The following GABRG3 variants were observed in gnomAD, a reference collection of about 807,000 sequenced individuals.
The protein encoded by GABRG3 is gamma-aminobutyric acid receptor subunit gamma-3.
In GABRG3, 25 loss-of-function variants were observed where a neutral mutation model predicts 48.8. The observed-to-expected ratio is 0.51, with a 90% CI of 0.37 to 0.72. GABRG3 has a LOEUF of 0.72. Among genes scored for constraint, GABRG3 ranks in the 30% least tolerant of loss-of-function variants. The pLI is 0.00. For missense variants in GABRG3, 394 were observed against 577.9 expected (o/e 0.68, Z 3.26); for synonymous variants, 227 against 217.6 (o/e 1.04, Z -0.38).
At chr15:27,410,548 G>A (rs1000877222) in intron 5 of GABRG3, among the ~76,000 whole-genome samples, 1 of 152,118 alleles carries the variant, frequency 6.6e-6, no homozygotes, top group African/African-American at 2.4e-5. Flanking sequence ...TTTAATTTGT[G>A]TAATAGAGTA....
At chr15:27,491,249 T>TCCCCTTCC (rs1430204210) in intron 6 of GABRG3, among the ~76,000 whole-genome samples, 1 of 152,156 alleles carries the variant, frequency 6.6e-6, no homozygotes, top group East Asian at 1.9e-4. Context: ...GCCTCGGGGC[T>TCCCCTTCC]CCCCTTCCCA....
chr15:27,486,835 A>G (rs1890232463), intron 6 of GABRG3, among the ~76,000 whole-genome samples: 1 of 152,176 alleles, frequency 6.6e-6, no homozygotes, highest in Non-Finnish European at 1.5e-5. Context: ...GAATTGAGAG[A>G]TTTACGCATT....
chr15:27,476,976 T>G (rs1419305198), intron 5 of GABRG3, among the ~76,000 whole-genome samples: 1 of 152,186 alleles, frequency 6.6e-6, no homozygotes, highest in Non-Finnish European at 1.5e-5. Flanking sequence ...AGATTTCTAA[T>G]GAGAAACCAT....
intron 3 of GABRG3, among the ~76,000 whole-genome samples, chr15:27,092,402 G>T (rs1897202575): frequency 6.6e-6 from 1 of 152,168 alleles, no homozygotes; most frequent in Non-Finnish European, 1.5e-5. Flanking sequence ...ATGTGTCCAT[G>T]TTCATCTCTC....
At chr15:27,274,161 A>G (rs1198335643) in intron 3 of GABRG3, among the ~76,000 whole-genome samples, 6 of 152,212 alleles carry the variant, frequency 3.9e-5, no homozygotes, top group African/African-American at 9.6e-5. Flanking sequence ...GTATAGGATC[A>G]AGGACAGAGT....
At chr15:27,477,559 G>A (rs1470503126) in intron 5 of GABRG3, among the ~76,000 whole-genome samples, 2 of 152,096 alleles carry the variant, frequency 1.3e-5, no homozygotes, top group Admixed American at 6.5e-5. Context: ...GAAACCCTAA[G>A]GTAAACTATG....
intron 3 of GABRG3, among the ~76,000 whole-genome samples, chr15:27,306,437 C>A (rs111067669): frequency 5.1e-5 from 7 of 137,330 alleles, no homozygotes; most frequent in Non-Finnish European, 9.2e-5. Flanking sequence ...ACATATAATA[C>A]GAACATATGT....
chr15:27,529,397 T>C (rs1056522471), intron 9 of GABRG3, among the ~76,000 whole-genome samples: 1 of 152,228 alleles, frequency 6.6e-6, no homozygotes, highest in African/African-American at 2.4e-5. Flanking sequence ...CTTTTATTCC[T>C]TTATACATAT....
At chr15:27,228,083 T>C (rs1889681473) in intron 3 of GABRG3, among the ~76,000 whole-genome samples, 1 of 152,214 alleles carries the variant, frequency 6.6e-6, no homozygotes, top group Non-Finnish European at 1.5e-5. Flanking sequence ...TATTTTAATT[T>C]TTATTTTAGG....
intron 5 of GABRG3, chr15:27,363,732 C>T (rs1283471913): frequency 6.6e-6 from 1 of 152,234 alleles, no homozygotes; most frequent in Non-Finnish European, 1.5e-5. Flanking sequence ...CTGCACTTAC[C>T]TAACCATACA....
chr15:26,977,096 A>T lies in GABRG3; in HGVS notation c.148A>T (p.Ile50Phe), dbSNP rs1894965288. Residue 50 changes from isoleucine to phenylalanine, a missense_variant, in exon 2 of 10, where the codon ATT (isoleucine) becomes TTT (phenylalanine). Ile to Phe is a conservative substitution (Grantham distance 21). Around this residue, in one of 3 missense-constraint regions of GABRG3, gnomAD observed 218 missense variants for 309.9 expected, o/e 0.70. Transcript: ENST00000615808. ...PKSQDTDVTLILNKLLREYDK... is the reference protein window; with the variant it reads ...PKSQDTDVTLFLNKLLREYDK... Reference sequence around the variant, plus strand: ...ATCCCAAGACACCGACGTGACTCTTATTCTCAACAAGTTGCTAAGAGAATA... The same window carrying T: ...ATCCCAAGACACCGACGTGACTCTTTTTCTCAACAAGTTGCTAAGAGAATA... 1.2e-6 allele frequency: 2 copies of T among 1,613,894 alleles called. No homozygotes were observed. Among genetic ancestry groups the T allele is most frequent in the South Asian group, 2.2e-5 (2 of 91,082 alleles).
At chr15:27,253,797 A>G (rs1237156541) in intron 3 of GABRG3, among the ~76,000 whole-genome samples, 3 of 152,162 alleles carry the variant, frequency 2.0e-5, no homozygotes, top group South Asian at 2.1e-4. Flanking sequence ...TTTGCAATAT[A>G]ATGGAATGGG....
rs538014545 is a variant in GABRG3, at chr15:27,315,288, C to T, written c.271-11521C>T. Among the ~76,000 whole-genome samples the T allele has an allele frequency of 3.3e-5, 5 of 152,282 alleles. No homozygotes were observed. The East Asian group carries it at 7.7e-4, about 24-fold the overall frequency. On this transcript the variant is annotated intron_variant, in intron 3 of 9. Transcript: ENST00000615808. ...AACTACTTCAAAATTGTGCTGAGTG[C>T]TTACTTTACAGTGTCTAGATAAATC...
At chr15:27,415,434 G>C (rs1405928403) in intron 5 of GABRG3, among the ~76,000 whole-genome samples, 1 of 151,818 alleles carries the variant, frequency 6.6e-6, no homozygotes, top group Non-Finnish European at 1.5e-5. Flanking sequence ...ATCTGTTCTT[G>C]CGTGTTGTCT....
intron 3 of GABRG3, among the ~76,000 whole-genome samples, chr15:27,051,375 T>A (rs1896452925): frequency 6.6e-6 from 1 of 152,252 alleles, no homozygotes; most frequent in Non-Finnish European, 1.5e-5. Flanking sequence ...TTAGCCATTG[T>A]TTATAATGGA....
chr15:27,047,684 G>A (rs1896387679), intron 3 of GABRG3, among the ~76,000 whole-genome samples: 1 of 152,186 alleles, frequency 6.6e-6, no homozygotes, highest in South Asian at 2.1e-4. Context: ...CAGTGTCTGA[G>A]ACTCATGGTC....
intron 3 of GABRG3, among the ~76,000 whole-genome samples, chr15:27,267,953 A>T (rs72702073): frequency 0.46 from 70,156 of 151,898 alleles, 18,517 homozygotes; most frequent in Non-Finnish European, 0.61. Flanking sequence ...TACTATTTTT[A>T]AAAAAATTGC....
At chr15:27,354,620 T>C (rs912419122) in intron 5 of GABRG3, among the ~76,000 whole-genome samples, 4 of 152,150 alleles carry the variant, frequency 2.6e-5, no homozygotes, top group Non-Finnish European at 5.9e-5. Context: ...ATTTAAGAAA[T>C]GCTGATGCAT....
At chr15:27,287,443 A>G (rs891957925) in intron 3 of GABRG3, among the ~76,000 whole-genome samples, 1 of 152,206 alleles carries the variant, frequency 6.6e-6, no homozygotes, top group African/African-American at 2.4e-5. Flanking sequence ...AAATCTGACA[A>G]TACCAAATAT....
Sources: allele counts gnomAD v4.1 joint callset (sites outside exome capture counted in the v4.1 genomes callset), GRCh38; gene constraint gnomAD v4.1.1; regional missense constraint gnomAD v4.1.1; transcripts MANE v1.5; gene names NCBI Gene and HGNC (gene_info 2026-07-23, HGNC 2026-07-21).